Variants in VEPH1 observed in about 807,000 individuals in gnomAD.
VEPH1 encodes ventricular zone-expressed PH domain-containing protein homolog 1.
In VEPH1, 80 loss-of-function variants were observed where a neutral mutation model predicts 85.2. The observed-to-expected ratio is 0.94, with a 90% CI of 0.78 to 1.13. The LOEUF (loss-of-function observed/expected upper bound fraction) is 1.13, where lower values mean the gene tolerates loss of function less well. VEPH1 is among the 50% of genes most tolerant of loss of function. The probability of loss-of-function intolerance (pLI) is 0.00; values close to 1 mark genes in which losing one functional copy is unlikely to be tolerated. For missense variants in VEPH1, 955 were observed against 980.5 expected (o/e 0.97, Z 0.35); for synonymous variants, 297 against 348.0 (o/e 0.85, Z 1.63).
intron 7 of VEPH1, among the ~76,000 whole-genome samples, chr3:157,365,880 G>A (rs955845896): frequency 6.6e-5 from 10 of 152,044 alleles, no homozygotes; most frequent in African/African-American, 1.7e-4. Context: ...TTATTATGAC[G>A]GTTTCATTAT....
chr3:157,302,951 A>G (rs558844044), intron 11 of VEPH1, among the ~76,000 whole-genome samples: 1 of 152,276 alleles, frequency 6.6e-6, no homozygotes, highest in South Asian at 2.1e-4. Flanking sequence ...TTTATTTTTC[A>G]TCTCGTCCTT....
intron 11 of VEPH1, among the ~76,000 whole-genome samples, chr3:157,305,088 T>C (rs996000535): frequency 1.1e-5 from 1 of 94,674 alleles, no homozygotes; most frequent in Non-Finnish European, 2.2e-5. Context: ...CTCTATTTCA[T>C]CTATCTATCT....
chr3:157,459,666 A>G, intron 4 of VEPH1: 1 of 1,334,808 alleles, frequency 7.5e-7, no homozygotes, highest in Non-Finnish European at 9.6e-7. Context: ...CAAATGTTGT[A>G]ACAATTAACA....
At chr3:157,436,375 C>T (rs1291997406) in intron 4 of VEPH1, among the ~76,000 whole-genome samples, 1 of 152,098 alleles carries the variant, frequency 6.6e-6, no homozygotes, top group Non-Finnish European at 1.5e-5. Flanking sequence ...CATAACTATT[C>T]TTAATATGTT....
At chr3:157,403,525 TGAGTA>T (rs565979206) in intron 6 of VEPH1, among the ~76,000 whole-genome samples, 24 of 152,166 alleles carry the variant, frequency 1.6e-4, no homozygotes, top group African/African-American at 5.8e-4. Flanking sequence ...TGGGCTCGAG[TGAGTA>T]AAGTATCATT....
At chr3:157,393,043 A>C (rs73156784) in intron 6 of VEPH1, among the ~76,000 whole-genome samples, 6,317 of 152,300 alleles carry the variant, frequency 0.041, 181 homozygotes, top group South Asian at 0.11. Flanking sequence ...TTTTCCTCCC[A>C]GATAAAAAGA....
chr3:157,423,755 A>G (rs573603122), intron 5 of VEPH1, among the ~76,000 whole-genome samples: 1 of 152,340 alleles, frequency 6.6e-6, no homozygotes, highest in Non-Finnish European at 1.5e-5. Context: ...ATCAGATACT[A>G]TGGAAAAGTC....
Position 157,457,900 on chromosome 3 carries a change from TCTC to T in VEPH1, c.529+2278_529+2280del, listed in dbSNP as rs369181517. On this transcript the variant is annotated intron_variant, in intron 4 of 13. Coordinates refer to ENST00000362010, the MANE Select transcript of VEPH1 (RefSeq NM_001167912.2). ...TTATAGAATGAGTTAGGGAGGAGTC[TCTC>T]CTCCTCAATTTTTTGGAATAGCTTC... Among the ~76,000 whole-genome samples the T allele has an allele frequency of 2.7e-3, 416 of 152,158 alleles. 2 individuals carry two copies. The highest frequency in any genetic ancestry group is 9.4e-3 in the African/African-American group (390 of 41,526).
chr3:157,325,083 T>C (rs1254240316), intron 9 of VEPH1, among the ~76,000 whole-genome samples: 1 of 152,212 alleles, frequency 6.6e-6, no homozygotes, highest in Non-Finnish European at 1.5e-5. Flanking sequence ...ACTTCTCTAA[T>C]GATCAGTGAC....
At chr3:157,482,744 T>G (rs1738236195) in intron 2 of VEPH1, among the ~76,000 whole-genome samples, 1 of 152,158 alleles carries the variant, frequency 6.6e-6, no homozygotes, top group South Asian at 2.1e-4. Flanking sequence ...TTTAGTTTTT[T>G]GCAGCTATTG....
At chr3:157,427,610 A>T (rs192539156) in intron 5 of VEPH1, among the ~76,000 whole-genome samples, 159 of 151,928 alleles carry the variant, frequency 1.0e-3, no homozygotes, top group Non-Finnish European at 1.6e-3. Flanking sequence ...TGCCTCCTCC[A>T]TGCCCTGCTA....
At chr3:157,313,876 G>T in intron 10 of VEPH1, 121 bp from the exon 11 acceptor site, 1 of 1,230,584 alleles carries the variant, frequency 8.1e-7, no homozygotes, top group Non-Finnish European at 1.1e-6. Context: ...AATTTTAAAT[G>T]AAACAAGAAA....
At chr3:157,407,713 G>T (rs937404037) in intron 6 of VEPH1, among the ~76,000 whole-genome samples, 2 of 152,142 alleles carry the variant, frequency 1.3e-5, no homozygotes, top group Non-Finnish European at 2.9e-5. Flanking sequence ...ATTTCAGTCT[G>T]TTAGGGTCAA....
intron 9 of VEPH1, among the ~76,000 whole-genome samples, chr3:157,318,684 AAATT>A (rs1721058698): frequency 6.6e-6 from 1 of 151,632 alleles, no homozygotes; most frequent in Admixed American, 6.6e-5. Context: ...GAAAGAAAGA[AAATT>A]AATAGATTCA....
intron 3 of VEPH1, among the ~76,000 whole-genome samples, chr3:157,463,006 C>T (rs1736020455): frequency 6.6e-6 from 1 of 152,152 alleles, no homozygotes; most frequent in Non-Finnish European, 1.5e-5. Flanking sequence ...CATCTTGTGA[C>T]CTCAGTAGGA....
At chr3:157,467,078 C>T (rs952329812) in intron 3 of VEPH1, among the ~76,000 whole-genome samples, 5 of 149,752 alleles carry the variant, frequency 3.3e-5, no homozygotes, top group African/African-American at 1.2e-4. Context: ...GAGCGTAGGC[C>T]GACAAGAGGA....
At chr3:157,417,767 C>A (rs925167704) in intron 5 of VEPH1, among the ~76,000 whole-genome samples, 1 of 152,166 alleles carries the variant, frequency 6.6e-6, no homozygotes, top group African/African-American at 2.4e-5. Flanking sequence ...CACTAGGGTA[C>A]AAGCAGAGGC....
chr3:157,416,850 AAG>A (rs918417872), intron 5 of VEPH1, among the ~76,000 whole-genome samples: 1 of 150,782 alleles, frequency 6.6e-6, no homozygotes, highest in Non-Finnish European at 1.5e-5. Context: ...AAAGAAAAGA[AAG>A]AGAGAAAGAG....
At chr3:157,369,188 A>AC (rs1375949823) in intron 7 of VEPH1, among the ~76,000 whole-genome samples, 8 of 143,818 alleles carry the variant, frequency 5.6e-5, no homozygotes, top group East Asian at 4.1e-4. Context: ...ATGAAAAAAA[A>AC]AAAAAAAAAA....
Sources: gnomAD v4.1 joint callset for allele counts (sites outside exome capture counted in the v4.1 genomes callset) on GRCh38, gnomAD v4.1.1 for gene constraint, MANE v1.5 for transcripts, NCBI Gene and HGNC (gene_info 2026-07-23, HGNC 2026-07-21) for gene names.